The following CARNMT1 variants were observed in gnomAD, a reference collection of about 807,000 sequenced individuals.
CARNMT1 encodes the protein protein-L-histidine N-pros-methyltransferase CARNMT1.
Under a neutral mutation model 49.6 loss-of-function variants are expected in CARNMT1, and 28 were observed. The ratio of observed to expected loss-of-function variants is 0.56; its 90% confidence interval spans 0.42 to 0.77. CARNMT1 has a LOEUF of 0.77. CARNMT1 is among the 30% of genes least tolerant of loss of function. CARNMT1 has a pLI of 0.00. For synonymous variants in CARNMT1, 178 were observed against 175.0 expected (o/e 1.02, Z -0.13); for missense variants, 421 against 512.6 (o/e 0.82, Z 1.73).
intron 3 of CARNMT1, among the ~76,000 whole-genome samples, chr9:75,005,603 G>C: frequency 6.6e-6 from 1 of 151,374 alleles, no homozygotes; most frequent in Non-Finnish European, 1.5e-5. Flanking sequence ...CTCCTGAGTA[G>C]CTGGGACTAC....
intron 3 of CARNMT1, among the ~76,000 whole-genome samples, chr9:75,011,628 A>C (rs1462903687): frequency 6.6e-6 from 1 of 152,164 alleles, no homozygotes; most frequent in Non-Finnish European, 1.5e-5. Context: ...TCAGTCTCTC[A>C]AAGTACTGGG....
At position 75,007,728 on chromosome 9, in the gene CARNMT1, C is replaced by CA. The variant is rs201573769; in HGVS notation, c.591-7859dup. On this transcript the variant is annotated intron_variant, in intron 3 of 7. Transcript: ENST00000376834. ...TGGGTGACAGAGCGAGACCCTGTCT[C>CA]AAAAAAATAAAAATAATAAAAAAAA... 7.7e-3 allele frequency among the ~76,000 whole-genome samples: 615 copies of CA among 79,508 alleles called. 29 individuals carry two copies. Among genetic ancestry groups the CA allele is most frequent in the African/African-American group, 0.018 (426 of 24,022 alleles). 52.2% of individuals were successfully genotyped at this position (79,508 alleles called of 152,430 possible).
At chr9:75,026,275 C>G (rs1218839891) in intron 1 of CARNMT1, among the ~76,000 whole-genome samples, 1 of 152,096 alleles carries the variant, frequency 6.6e-6, no homozygotes, top group Non-Finnish European at 1.5e-5. Context: ...CACTTCAGTT[C>G]CTGATCAACC....
At chr9:75,013,848 T>C (rs1185241213) in intron 3 of CARNMT1, among the ~76,000 whole-genome samples, 1 of 151,398 alleles carries the variant, frequency 6.6e-6, no homozygotes, top group Non-Finnish European at 1.5e-5. Context: ...CTACAAAAAA[T>C]ACTAAAAAAT....
At chr9:75,009,782 C>T (rs1833629526) in intron 3 of CARNMT1, 1 of 151,686 alleles carries the variant, frequency 6.6e-6, no homozygotes, top group Non-Finnish European at 1.5e-5. Context: ...CCTTTACATA[C>T]AATGCCTGGC....
rs943555655 is a variant in CARNMT1, at chr9:75,003,907, G to A, written c.591-4037C>T. Among the ~76,000 whole-genome samples the A allele has an allele frequency of 5.3e-5, 8 of 152,258 alleles. No individual in the cohort carries two copies. In the East Asian group the frequency reaches 5.8e-4, roughly 11 times the overall value. ...CTGTTTTGCTATGAGACGGAGTCTC[G>A]CTCTGTCGCCCAGGCTAGAGTGCAG... On this transcript the variant is annotated intron_variant, in intron 3 of 7. Transcript: ENST00000376834.
At chr9:75,018,701 C>G (rs1360305688) in intron 1 of CARNMT1, among the ~76,000 whole-genome samples, 1 of 152,186 alleles carries the variant, frequency 6.6e-6, no homozygotes, top group Non-Finnish European at 1.5e-5. Flanking sequence ...CGCAGTGGCT[C>G]ATCCCTGTAA....
rs1299011023 is a variant in CARNMT1 at position 75,028,101 on chromosome 9, C to T, written c.141G>A (p.Ala47=). The change falls in exon 1 of 8, where the codon GCG becomes GCA. Residue 47 remains alanine, a synonymous_variant. Transcript: ENST00000376834. ...WGSAAAVSAA[A]AAATRSTEEE... ...CCTCGGTGCTGCGCGTGGCCGCCGC[C>T]GCTGCCGCCGAAACCGCCGCGGCCG... is the stretch of plus-strand genomic sequence containing the variant. The T allele has an allele frequency of 7.7e-6, 12 of 1,556,660 alleles. No homozygotes were observed. Among genetic ancestry groups the T allele is most frequent in the Non-Finnish European group, 7.8e-6 (9 of 1,152,958 alleles).
chr9:75,002,978 C>T (rs1432307292), intron 3 of CARNMT1, among the ~76,000 whole-genome samples: 1 of 151,990 alleles, frequency 6.6e-6, no homozygotes, highest in Non-Finnish European at 1.5e-5. Flanking sequence ...GCTCAAGTAA[C>T]CTACCCACCT....
intron 1 of CARNMT1, among the ~76,000 whole-genome samples, chr9:75,018,597 C>G (rs1833916344): frequency 1.3e-5 from 2 of 152,088 alleles, no homozygotes; most frequent in Non-Finnish European, 2.9e-5. Flanking sequence ...TGCCTTATGA[C>G]CTAGCAATTA....
chr9:74,994,022 GAAGTAATTA>G (rs1360064257), intron 6 of CARNMT1, among the ~76,000 whole-genome samples: 4 of 152,172 alleles, frequency 2.6e-5, no homozygotes, highest in African/African-American at 9.7e-5. Flanking sequence ...GACTTCTAAG[GAAGTAATTA>G]AGGTAAATGA....
intron 6 of CARNMT1, among the ~76,000 whole-genome samples, chr9:74,989,280 T>A (rs191044130): frequency 2.4e-4 from 36 of 152,070 alleles, no homozygotes; most frequent in African/African-American, 8.7e-4. Flanking sequence ...CTGGCTAATT[T>A]TTAAACTTTT....
At chr9:75,022,991 A>G (rs1822418469) in intron 1 of CARNMT1, among the ~76,000 whole-genome samples, 1 of 151,720 alleles carries the variant, frequency 6.6e-6, no homozygotes, top group Admixed American at 6.6e-5. Context: ...AAATACAAAA[A>G]ATTAGCCAGG....
intron 3 of CARNMT1, among the ~76,000 whole-genome samples, chr9:75,001,351 G>A (rs1431534896): frequency 6.6e-6 from 1 of 152,114 alleles, no homozygotes; most frequent in Non-Finnish European, 1.5e-5. Context: ...CTTACAGAAA[G>A]TTAACTTAAT....
At chr9:74,987,303 G>C (rs1832874586) in intron 6 of CARNMT1, among the ~76,000 whole-genome samples, 1 of 152,062 alleles carries the variant, frequency 6.6e-6, no homozygotes, top group Admixed American at 6.6e-5. Context: ...CAGGATAAAT[G>C]GAAATTTGCA....
In CARNMT1 at chr9:75,005,261, A is replaced by T. The variant is rs553777057; in HGVS notation, c.591-5391T>A. Among the ~76,000 whole-genome samples the T allele has an allele frequency of 5.3e-5, 8 of 151,138 alleles. No individual in the cohort carries two copies. In the South Asian group the frequency reaches 8.3e-4, roughly 16 times the overall value. On this transcript the variant is annotated intron_variant, in intron 3 of 7. Transcript: ENST00000376834. Reference sequence around the variant, plus strand: ...TACTATTTAAAACAAAAACCAGAGGATACGAAAACAGCATTTCCTTAATTA... The same window carrying T: ...TACTATTTAAAACAAAAACCAGAGGTTACGAAAACAGCATTTCCTTAATTA...
chr9:74,983,996 C>A, intron 7 of CARNMT1, 128 bp from the exon 8 acceptor site: 1 of 492,860 alleles, frequency 2.0e-6, no homozygotes. Context: ...TACAACTACC[C>A]CCATAAGAGA....
intron 1 of CARNMT1, among the ~76,000 whole-genome samples, chr9:75,026,686 T>A (rs911547323): frequency 6.6e-6 from 1 of 152,218 alleles, no homozygotes; most frequent in Admixed American, 6.5e-5. Context: ...AATTATTTCA[T>A]CAAGATCTTC....
At chr9:75,022,490 T>C (rs145786329) in intron 1 of CARNMT1, among the ~76,000 whole-genome samples, 101 of 152,208 alleles carry the variant, frequency 6.6e-4, no homozygotes, top group African/African-American at 2.1e-3. Flanking sequence ...TCCAAAAATA[T>C]TGGGATTATA....
Sources: gnomAD v4.1 joint callset for allele counts (sites outside exome capture counted in the v4.1 genomes callset) on GRCh38, gnomAD v4.1.1 for gene constraint, MANE v1.5 for transcripts, NCBI Gene and HGNC (gene_info 2026-07-23, HGNC 2026-07-21) for gene names.